Variants in RBMS2 observed in about 807,000 individuals in gnomAD.
The protein encoded by RBMS2 is RNA-binding motif, single-stranded-interacting protein 2.
A neutral mutation model predicts 58.4 loss-of-function variants in RBMS2; 38 were observed. The observed-to-expected ratio is 0.65, with a 90% CI of 0.50 to 0.85. The LOEUF (loss-of-function observed/expected upper bound fraction) is 0.85, where lower values mean the gene tolerates loss of function less well. Among genes scored for constraint, RBMS2 ranks in the 40% least tolerant of loss-of-function variants. The pLI is 0.00. For synonymous variants in RBMS2, 151 were observed against 180.7 expected, an observed-to-expected ratio of 0.84 and a Z score of 1.32; for missense variants, 367 against 503.7, an observed-to-expected ratio of 0.73 and a Z score of 2.60.
At chr12:56,586,707 A>T (rs1592513297) in intron 9 of RBMS2, 142 bp from the exon 10 acceptor site, 7 of 668,804 alleles carry the variant, frequency 1.0e-5, no homozygotes, top group Non-Finnish European at 1.5e-5. Flanking sequence ...AAGAATTGCT[A>T]ATATTTTAAA....
intron 2 of RBMS2, among the ~76,000 whole-genome samples, chr12:56,565,419 A>G (rs1270462918): frequency 6.8e-6 from 1 of 147,298 alleles, no homozygotes. Flanking sequence ...TTTTTTTCCT[A>G]TATATTTTCA....
rs1882946176 is a variant in RBMS2, at chr12:56,575,283, A to C, written c.542+3428A>C. 2.0e-5 allele frequency among the ~76,000 whole-genome samples: 3 copies of C among 151,944 alleles called. 1 individual carries two copies. Among genetic ancestry groups the C allele is most frequent in the Admixed American group, 2.0e-4 (3 of 15,236 alleles). The stretch of plus-strand genomic sequence containing the variant: ...TCTCTACAAAAACAAAACAAACAAA[A>C]AAAATTAGCTGAGCATGGTGGCACG... On this transcript the variant is annotated intron_variant, in intron 5 of 13. Transcript: ENST00000262031.
At chr12:56,533,486 A>G (rs1874186607) in intron 1 of RBMS2, among the ~76,000 whole-genome samples, 1 of 131,542 alleles carries the variant, frequency 7.6e-6, no homozygotes, top group East Asian at 2.3e-4. Flanking sequence ...CGTGATCTCA[A>G]CTCACTGCAT....
At chr12:56,548,308 A>G (rs1215606840) in intron 1 of RBMS2, among the ~76,000 whole-genome samples, 1 of 151,984 alleles carries the variant, frequency 6.6e-6, no homozygotes, top group Admixed American at 6.6e-5. Context: ...TTAGCCGGGC[A>G]TGGTGGCGCA....
chr12:56,573,809 C>T (rs1337045550), intron 5 of RBMS2, among the ~76,000 whole-genome samples: 1 of 151,412 alleles, frequency 6.6e-6, no homozygotes, highest in Non-Finnish European at 1.5e-5. Flanking sequence ...AGGTGCGTAC[C>T]ACCACGCCTG....
At chr12:56,562,188 T>TA (rs1880556232) in intron 1 of RBMS2, among the ~76,000 whole-genome samples, 1 of 152,214 alleles carries the variant, frequency 6.6e-6, no homozygotes, top group Non-Finnish European at 1.5e-5. Flanking sequence ...AAGGATGTAT[T>TA]AAAAGCTACA....
At chr12:56,583,807 A>C (rs1322785884) in intron 9 of RBMS2, among the ~76,000 whole-genome samples, 1 of 152,158 alleles carries the variant, frequency 6.6e-6, no homozygotes, top group Non-Finnish European at 1.5e-5. Flanking sequence ...TGCTTTGTCC[A>C]TGTTTCTATT....
chr12:56,592,493 G>A lies in RBMS2; in HGVS notation c.*3360G>A, dbSNP rs371588526. 4 of 152,244 alleles carry A rather than the reference G, an allele frequency of 2.6e-5. No individual in the cohort carries two copies. The highest frequency in any genetic ancestry group is 3.9e-4 in the East Asian group (2 of 5,182). The allele number at this position is 152,244 out of a possible 1,614,324, so 9.4% of individuals were successfully genotyped here. On this transcript the variant is annotated 3_prime_UTR_variant, in exon 14 of 14. Coordinates refer to ENST00000262031, the MANE Select transcript of RBMS2 (RefSeq NM_002898.4). ...GAGGTCAGGAAGATGTGGAGATGAT[G>A]ATGGAGAGAGATGTTTTTATTTTAT...
intron 1 of RBMS2, among the ~76,000 whole-genome samples, chr12:56,534,622 T>C (rs1165173991): frequency 6.6e-6 from 1 of 152,104 alleles, no homozygotes; most frequent in Non-Finnish European, 1.5e-5. Flanking sequence ...CAGTGACTCA[T>C]GTTATTAAGT....
At chr12:56,560,910 C>G (rs1396159558) in intron 1 of RBMS2, among the ~76,000 whole-genome samples, 1 of 152,114 alleles carries the variant, frequency 6.6e-6, no homozygotes, top group African/African-American at 2.4e-5. Flanking sequence ...TCCTCTCCCT[C>G]CTCTCACCCT....
chr12:56,534,870 T>C (rs1256649605), intron 1 of RBMS2, among the ~76,000 whole-genome samples: 1 of 152,138 alleles, frequency 6.6e-6, no homozygotes, highest in Non-Finnish European at 1.5e-5. Flanking sequence ...CTCGATCTCC[T>C]GACCTCGTGA....
chr12:56,536,161 T>G (rs1386586333), intron 1 of RBMS2, among the ~76,000 whole-genome samples: 1 of 138,440 alleles, frequency 7.2e-6, no homozygotes, highest in Non-Finnish European at 1.5e-5. Flanking sequence ...GATCACGCCA[T>G]TGCACTCCAG....
intron 5 of RBMS2, among the ~76,000 whole-genome samples, chr12:56,573,576 G>A (rs539375189): frequency 4.2e-4 from 64 of 151,520 alleles, no homozygotes; most frequent in African/African-American, 1.5e-3. Flanking sequence ...TGGCAATCCC[G>A]TGTATATCTA....
Position 56,592,152 on chromosome 12 carries a change from GGCTCTTAAACACTAT to G in RBMS2, c.*3022_*3036del, listed in dbSNP as rs1333654664. The G allele has an allele frequency of 6.6e-5, 10 of 152,272 alleles. No homozygotes were observed. The East Asian group carries it at 1.9e-3, about 29-fold the overall frequency. The allele number at this position is 152,272 out of a possible 1,614,324, so 9.4% of individuals were successfully genotyped here. ...CCTTCCAGCTCACAGCCAAGGGTTG[GGCTCTTAAACACTAT>G]GCCTAGTGTTTTCTGAATGCTGTCT... On this transcript the variant is annotated 3_prime_UTR_variant, in exon 14 of 14. Coordinates refer to ENST00000262031, the MANE Select transcript of RBMS2 (RefSeq NM_002898.4).
intron 1 of RBMS2, among the ~76,000 whole-genome samples, chr12:56,523,930 G>C (rs1872196665): frequency 6.6e-6 from 1 of 151,976 alleles, no homozygotes; most frequent in Admixed American, 6.6e-5. Context: ...TTCAAACCTT[G>C]TAGAGTACCA....
chr12:56,584,109 G>A (rs978314353), intron 9 of RBMS2, among the ~76,000 whole-genome samples: 2 of 152,166 alleles, frequency 1.3e-5, no homozygotes, highest in African/African-American at 2.4e-5. Flanking sequence ...GGACCATAGT[G>A]TGGGAATCAC....
chr12:56,531,942 G>A (rs78013031), intron 1 of RBMS2, among the ~76,000 whole-genome samples: 1,817 of 151,836 alleles, frequency 0.012, 12 homozygotes, highest in Non-Finnish European at 0.015. Context: ...ATTGTGGGCC[G>A]GGCACTGTGG....
chr12:56,563,565 T>C (rs1309233997), intron 2 of RBMS2, among the ~76,000 whole-genome samples: 2 of 152,142 alleles, frequency 1.3e-5, no homozygotes, highest in Non-Finnish European at 1.5e-5. Flanking sequence ...TTAGGAATGT[T>C]GGAAAAATGG....
intron 1 of RBMS2, among the ~76,000 whole-genome samples, chr12:56,531,351 A>G (rs1456764440): frequency 6.6e-6 from 1 of 152,156 alleles, no homozygotes; most frequent in Non-Finnish European, 1.5e-5. Context: ...ATCAAGGTTA[A>G]GCAAAGGAAG....
Sources: gnomAD v4.1 joint callset for allele counts (sites outside exome capture counted in the v4.1 genomes callset) on GRCh38, gnomAD v4.1.1 for gene constraint, MANE v1.5 for transcripts, NCBI Gene and HGNC (gene_info 2026-07-23, HGNC 2026-07-21) for gene names.